The following MIS18BP1 variants were observed in gnomAD, a reference collection of about 807,000 sequenced individuals.
MIS18BP1 encodes MIS18 binding protein 1, also known as mis18-binding protein 1.
MIS18BP1 carries 72 observed loss-of-function variants against 116.1 expected under a neutral mutation model. The ratio of observed to expected loss-of-function variants is 0.62; its 90% CI spans 0.51 to 0.75. MIS18BP1 has a LOEUF of 0.75. MIS18BP1 is among the 30% of genes least tolerant of loss of function. The probability of loss-of-function intolerance (pLI) is 0.00; values close to 1 mark genes in which losing one functional copy is unlikely to be tolerated. For missense variants in MIS18BP1, 1,363 were observed against 1,303.2 expected, an observed-to-expected ratio of 1.05 and a Z score of -0.71; for synonymous variants, 386 against 427.0, an observed-to-expected ratio of 0.90 and a Z score of 1.18.
Position 45,247,003 on chromosome 14 carries a change from A to G in MIS18BP1, c.284T>C (p.Ile95Thr). ...TTTTAATCCATCCTTGTTGGGCTTTATAGCACTGATATCAAGAGAACTGTT... is the reference window on the plus strand; with the variant it reads ...TTTTAATCCATCCTTGTTGGGCTTTGTAGCACTGATATCAAGAGAACTGTT... ...TSNSSLDISA[I>T]KPNKDGLKNK... Residue 95 changes from isoleucine (I) to threonine (T), a missense_variant, in exon 2 of 17, where the codon ATA becomes ACA. By Grantham distance (89) the Ile-to-Thr change is moderately conservative (BLOSUM62 -1). Coordinates refer to ENST00000310806, the MANE Select transcript of MIS18BP1 (RefSeq NM_018353.5). 6.2e-7 allele frequency: 1 copy of G among 1,613,246 alleles called. No individual in the cohort carries two copies. The highest frequency in any genetic ancestry group is 1.7e-4 in the Middle Eastern group (1 of 6,054).
intron 1 of MIS18BP1, among the ~76,000 whole-genome samples, chr14:45,247,944 CAAAT>C (rs1421348730): frequency 6.6e-6 from 1 of 150,466 alleles, no homozygotes; most frequent in African/African-American, 2.4e-5. Context: ...GAAAAATCCT[CAAAT>C]AAATGGTAAA....
chr14:45,251,036 CAAA>C (rs1230380755), intron 1 of MIS18BP1, among the ~76,000 whole-genome samples: 5 of 59,244 alleles, frequency 8.4e-5, no homozygotes, highest in Admixed American at 1.7e-4. Flanking sequence ...GACTCTGCCT[CAAA>C]AAAAAAAAAA....
chr14:45,246,955 G>C lies in MIS18BP1; in HGVS notation c.332C>G (p.Pro111Arg). The C allele has an allele frequency of 6.2e-7, 1 of 1,604,920 alleles. No individual in the cohort carries two copies. The highest frequency in any genetic ancestry group is 8.5e-7 in the Non-Finnish European group (1 of 1,177,838). The change falls in exon 2 of 17, where the codon CCA becomes CGA. Residue 111 changes from proline (P) to arginine (R), a missense_variant. Physicochemically the swap from Pro to Arg is moderately radical, Grantham distance 103. Coordinates refer to ENST00000310806, the MANE Select transcript of MIS18BP1 (RefSeq NM_018353.5). ...TTTCATTCTTAGAAATATTTTTCCT[G>C]GTGATTCATAGTTTGCTTTATTTTT... is the stretch of plus-strand genomic sequence containing the variant. ...GLKNKANYES[P>R]GKIFLRMKEK...
At position 45,224,354 on chromosome 14, in the gene MIS18BP1, T is replaced by C; in HGVS notation, c.2233A>G (p.Thr745Ala). 1 of 1,613,596 alleles carries C rather than the reference T, an allele frequency of 6.2e-7. No individual in the cohort carries two copies. The highest frequency in any genetic ancestry group is 8.5e-7 in the Non-Finnish European group (1 of 1,179,892). Reference protein sequence around the residue: ...QMLTSDFKKNTRLLPKLKKIE... With the variant: ...QMLTSDFKKNARLLPKLKKIE... ...TTCTTCAATTTTGGTAATAGTCTGGTATTTTTCTTAAAGTCAGAGGTGAGC... is the reference window on the plus strand; with the variant it reads ...TTCTTCAATTTTGGTAATAGTCTGGCATTTTTCTTAAAGTCAGAGGTGAGC... The change falls in exon 11 of 17, where the codon ACC becomes GCC. Residue 745 changes from threonine (T) to alanine (A), a missense_variant. Transcript: ENST00000310806.
intron 16 of MIS18BP1, 50 bp downstream of exon 16, chr14:45,204,349 C>A (rs769123606): frequency 6.4e-7 from 1 of 1,563,948 alleles, no homozygotes; most frequent in South Asian, 1.2e-5. Context: ...AAATAAAGAA[C>A]CTACCTTATA....
chr14:45,217,304 C>G, intron 12 of MIS18BP1, 125 bp from the exon 13 acceptor site: 1 of 1,124,104 alleles, frequency 8.9e-7, no homozygotes, highest in South Asian at 1.6e-5. Flanking sequence ...AAAACTCAGC[C>G]TTGGCCAGGC....
At chr14:45,206,851 C>G (rs919734506) in intron 14 of MIS18BP1, among the ~76,000 whole-genome samples, 4 of 152,272 alleles carry the variant, frequency 2.6e-5, no homozygotes, top group Middle Eastern at 3.4e-3. Flanking sequence ...CATTATCTCT[C>G]CTGTTCACTT....
intron 14 of MIS18BP1, 78 bp downstream of exon 14, chr14:45,210,302 A>C: frequency 7.0e-7 from 1 of 1,420,006 alleles, no homozygotes; most frequent in East Asian, 2.3e-5. Context: ...ACTGGCATCT[A>C]TGGTCCTCAT....
chr14:45,244,296 A>G (rs1891669291), intron 2 of MIS18BP1, among the ~76,000 whole-genome samples: 1 of 152,240 alleles, frequency 6.6e-6, no homozygotes, highest in Non-Finnish European at 1.5e-5. Context: ...TAAAAGAGAT[A>G]ATACATGTAA....
chr14:45,222,159 T>C (rs1890992844), intron 11 of MIS18BP1, among the ~76,000 whole-genome samples: 1 of 152,216 alleles, frequency 6.6e-6, no homozygotes, highest in Non-Finnish European at 1.5e-5. Flanking sequence ...ATACAGCATA[T>C]AGTTAGATCA....
In MIS18BP1 at chr14:45,242,059, A is replaced by T; in HGVS notation, c.1118T>A (p.Val373Asp). Residue 373 changes from valine (V) to aspartate (D), a missense_variant, in exon 4 of 17, where the codon GTT becomes GAT. Transcript: ENST00000310806. Reference protein sequence around the residue: ...KLSPPRIFQTVTNGLKKNQVV... With the variant: ...KLSPPRIFQTDTNGLKKNQVV... ...CTGATTTTTTTTAAGTCCATTTGTA[A>T]CAGTTTGAAATATTCTTGGAGGAGA... 1 of 1,610,136 alleles carries T rather than the reference A, an allele frequency of 6.2e-7. No individual in the cohort carries two copies. The highest frequency in any genetic ancestry group is 1.3e-5 in the African/African-American group (1 of 74,714).
intron 1 of MIS18BP1, among the ~76,000 whole-genome samples, chr14:45,249,035 A>G (rs1891798099): frequency 6.6e-6 from 1 of 150,810 alleles, no homozygotes; most frequent in Non-Finnish European, 1.5e-5. Context: ...CCTCCAGAGT[A>G]GCTGGGACCA....
chr14:45,232,415 TCA>T (rs1491358343), intron 7 of MIS18BP1: 87 of 163,514 alleles, frequency 5.3e-4, no homozygotes, highest in African/African-American at 4.7e-3. Flanking sequence ...AGATTCCATC[TCA>T]AAAAAAAAAA....
chr14:45,231,074 C>CAATGTAT, intron 8 of MIS18BP1, 67 bp downstream of exon 8: 2 of 1,513,558 alleles, frequency 1.3e-6, no homozygotes, highest in Non-Finnish European at 1.8e-6. Context: ...CATTATAAAC[C>CAATGTAT]ATAAACAATG....
intron 6 of MIS18BP1, among the ~76,000 whole-genome samples, chr14:45,234,909 T>C (rs888245179): frequency 3.3e-5 from 5 of 152,134 alleles, no homozygotes; most frequent in African/African-American, 9.7e-5. Flanking sequence ...AGTATTTCAT[T>C]TGATATTTTA....
rs759444749 is a variant in MIS18BP1 at position 45,235,930 on chromosome 14, A to G, written c.1232T>C (p.Ile411Thr). 21 of 1,605,462 alleles carry G rather than the reference A, an allele frequency of 1.3e-5. 1 individual carries two copies. In the South Asian group the frequency reaches 2.4e-4, roughly 18 times the overall value. Reference protein sequence around the residue: ...VEGKLIDVTNIYWHSNVIIER... With the variant: ...VEGKLIDVTNTYWHSNVIIER... ...TATAATTACATTACTGTGCCAATAT[A>G]TGTTAGTGACGTCTCTAGGAAAAAA... The change falls in exon 6 of 17, where the codon ATA becomes ACA. Residue 411 changes from isoleucine to threonine, a missense_variant. Ile to Thr is a moderately conservative substitution (Grantham distance 89). Coordinates refer to ENST00000310806, the MANE Select transcript of MIS18BP1 (RefSeq NM_018353.5).
Position 45,242,384 on chromosome 14 carries a change from T to C in MIS18BP1, c.793A>G (p.Lys265Glu). 2 of 1,614,068 alleles carry C rather than the reference T, an allele frequency of 1.2e-6. No homozygotes were observed. The highest frequency in any genetic ancestry group is 2.7e-5 in the African/African-American group (2 of 75,024). Residue 265 changes from lysine to glutamate, a missense_variant, in exon 4 of 17, where the codon AAG becomes GAG. Physicochemically the swap from Lys to Glu is moderately conservative, Grantham distance 56 (BLOSUM62 1). Coordinates refer to ENST00000310806, the MANE Select transcript of MIS18BP1 (RefSeq NM_018353.5). ...ESIVATTKSK[K>E]DTFVLESVDS... ...ACGCTTTCTAAAACAAACGTGTCCT[T>C]TTTGGATTTAGTGGTTGCAACTATA...
chr14:45,227,679 T>A lies in MIS18BP1; in HGVS notation c.1730A>T (p.Asp577Val). The A allele has an allele frequency of 6.2e-7, 1 of 1,613,350 alleles. No homozygotes were observed. The highest frequency in any genetic ancestry group is 8.5e-7 in the Non-Finnish European group (1 of 1,179,350). The stretch of plus-strand genomic sequence containing the variant: ...AAGCCTTACCTGATTAGATAAGTCA[T>A]CTCCTCCTCCATTTTGAATAGTATT... ...VNNTIQNGGG[D>V]DLSNQELIGK... Residue 577 changes from aspartate to valine, a missense_variant, in exon 9 of 17, where the codon GAT becomes GTT. Transcript: ENST00000310806.
chr14:45,223,883 C>A, intron 11 of MIS18BP1, 35 bp downstream of exon 11: 1 of 1,451,086 alleles, frequency 6.9e-7, no homozygotes, highest in Non-Finnish European at 9.3e-7. Context: ...TGTGGCTGCT[C>A]TGTAGATATT....
Sources: allele counts gnomAD v4.1 joint callset (sites outside exome capture counted in the v4.1 genomes callset), GRCh38; gene constraint gnomAD v4.1.1; transcripts MANE v1.5; gene names NCBI Gene and HGNC (gene_info 2026-07-23, HGNC 2026-07-21).